CNTN1: variants seen among roughly 807,000 people sequenced by gnomAD.
CNTN1 encodes contactin 1.
Under a neutral mutation model 126.4 loss-of-function variants are expected in CNTN1, and 38 were observed. The observed-to-expected ratio is 0.30, with a 90% CI of 0.23 to 0.39. The LOEUF is 0.39. Ranked by LOEUF, CNTN1 falls within the 10% of genes least tolerant of loss-of-function variation. CNTN1 has a pLI of 1.00. For synonymous variants in CNTN1, 413 were observed against 422.6 expected (o/e 0.98, Z 0.28); for missense variants, 1,009 against 1,248.4 (o/e 0.81, Z 2.89).
At chr12:40,962,955 T>C (rs1239568580) in intron 15 of CNTN1, among the ~76,000 whole-genome samples, 2 of 152,190 alleles carry the variant, frequency 1.3e-5, no homozygotes, top group Non-Finnish European at 2.9e-5. Context: ...CTTCAAATGC[T>C]GTTGTCCAGG....
intron 1 of CNTN1, among the ~76,000 whole-genome samples, chr12:40,867,953 G>A (rs1349455773): frequency 5.3e-5 from 8 of 151,096 alleles, no homozygotes; most frequent in African/African-American, 1.9e-4. Context: ...TGCTACTGTG[G>A]TTAGAAACAC....
At chr12:40,873,405 T>G (rs1317612693) in intron 1 of CNTN1, among the ~76,000 whole-genome samples, 2 of 152,178 alleles carry the variant, frequency 1.3e-5, no homozygotes, top group Non-Finnish European at 2.9e-5. Context: ...ATCCTCCTTA[T>G]TGAACACAAC....
intron 1 of CNTN1, among the ~76,000 whole-genome samples, chr12:40,849,106 A>G (rs1942623899): frequency 6.6e-6 from 1 of 152,126 alleles, no homozygotes; most frequent in South Asian, 2.1e-4. Flanking sequence ...GAGATTTTAG[A>G]CAAATGGCTT....
At chr12:40,904,515 A>G (rs546863757) in intron 1 of CNTN1, among the ~76,000 whole-genome samples, 4 of 149,496 alleles carry the variant, frequency 2.7e-5, no homozygotes, top group East Asian at 4.0e-4. Context: ...TACAACCTCC[A>G]GCTCCTGGGT....
Position 40,910,348 on chromosome 12 carries a change from C to G in CNTN1, c.94+243C>G, listed in dbSNP as rs563414712. Among the ~76,000 whole-genome samples the G allele has an allele frequency of 7.2e-5, 11 of 152,112 alleles. No individual in the cohort carries two copies. The East Asian group carries it at 2.1e-3, about 29-fold the overall frequency. ...AATGGAAAATATTCAATTTGGCTGG[C>G]TTTTTTTCCTGCATGCTTTGTAACA... On this transcript the variant is annotated intron_variant, in intron 3 of 23. Coordinates refer to ENST00000551295, the MANE Select transcript of CNTN1 (RefSeq NM_001843.4).
chr12:40,889,172 C>A (rs1944157722), intron 1 of CNTN1, among the ~76,000 whole-genome samples: 1 of 152,150 alleles, frequency 6.6e-6, no homozygotes, highest in Admixed American at 6.6e-5. Flanking sequence ...GAGGGAGATT[C>A]TTTAATAGGT....
In CNTN1 at chr12:41,071,591, G is replaced by A. The variant is rs1480652454; in HGVS notation, c.*1556G>A. On this transcript the variant is annotated 3_prime_UTR_variant, in exon 24 of 24. Transcript: ENST00000551295. ...TATAATTTTTGTACTATATATCGAT[G>A]TGTAAATGTTTAGAGTCTTCATTAT... 1 of 152,096 alleles carries A rather than the reference G, an allele frequency of 6.6e-6. No homozygotes were observed. The highest frequency in any genetic ancestry group is 2.4e-5 in the African/African-American group (1 of 41,404). 9.4% of individuals were successfully genotyped at this position (152,096 alleles called of 1,614,324 possible). A position where few individuals can be genotyped will look rare whatever the true frequency, so the allele number is the denominator to read the frequency against.
chr12:40,765,362 A>G (rs1939038646), intron 1 of CNTN1, among the ~76,000 whole-genome samples: 1 of 152,166 alleles, frequency 6.6e-6, no homozygotes, highest in African/African-American at 2.4e-5. Flanking sequence ...GGAGTACAGT[A>G]TAAAAGTTTG....
intron 1 of CNTN1, among the ~76,000 whole-genome samples, chr12:40,733,127 A>T (rs1429267885): frequency 6.6e-6 from 1 of 152,050 alleles, no homozygotes; most frequent in African/African-American, 2.4e-5. Context: ...GAATATTTAT[A>T]AACACAGTAA....
At chr12:40,909,990 C>A in intron 2 of CNTN1, 83 bp from the exon 3 acceptor site, 2 of 997,188 alleles carry the variant, frequency 2.0e-6, no homozygotes, top group Non-Finnish European at 3.2e-6. Flanking sequence ...CATTGTCTAG[C>A]ATCTCAGCTA....
At chr12:40,837,228 G>A (rs954248744) in intron 1 of CNTN1, among the ~76,000 whole-genome samples, 12 of 152,116 alleles carry the variant, frequency 7.9e-5, no homozygotes, top group African/African-American at 2.9e-4. Flanking sequence ...CCAAAATAGT[G>A]TATAGACAGT....
At chr12:40,947,794 C>T (rs879458307) in intron 14 of CNTN1, among the ~76,000 whole-genome samples, 50,220 of 136,438 alleles carry the variant, frequency 0.37, 9,755 homozygotes, top group Admixed American at 0.43. Context: ...CACACACACA[C>T]ACACACACAC....
chr12:40,931,077 T>A (rs901153068), intron 7 of CNTN1, among the ~76,000 whole-genome samples: 1 of 151,980 alleles, frequency 6.6e-6, no homozygotes, highest in Non-Finnish European at 1.5e-5. Context: ...GTTGTTCCGG[T>A]TCACATTCCA....
intron 23 of CNTN1, among the ~76,000 whole-genome samples, chr12:41,067,299 C>A (rs10879622): frequency 2.0e-5 from 3 of 151,814 alleles, no homozygotes; most frequent in Non-Finnish European, 4.4e-5. Context: ...GGTTTTCATA[C>A]TAGTACCAAA....
chr12:40,777,506 A>G (rs1025271248), intron 1 of CNTN1, among the ~76,000 whole-genome samples: 8 of 151,786 alleles, frequency 5.3e-5, no homozygotes, highest in Non-Finnish European at 8.8e-5. Flanking sequence ...TCAGCACAGG[A>G]TGAGTACTAT....
At chr12:40,854,381 A>G (rs2136626133) in intron 1 of CNTN1, among the ~76,000 whole-genome samples, 1 of 152,176 alleles carries the variant, frequency 6.6e-6, no homozygotes, top group East Asian at 1.9e-4. Flanking sequence ...TCAAGACACA[A>G]CATGGGGGAA....
rs1945471168 is a variant in CNTN1 at position 40,922,300 on chromosome 12, A to G, written c.272A>G (p.Tyr91Cys). The G allele has an allele frequency of 1.9e-6, 3 of 1,613,936 alleles. No individual in the cohort carries two copies. The highest frequency in any genetic ancestry group is 1.3e-5 in the African/African-American group (1 of 74,920). ...NGDVDLTSDR[Y>C]SMVGGNLVIN... ...GACGTTGATCTCACAAGTGATCGAT[A>G]CAGTATGGTAGGAGGAAACCTTGTT... The change falls in exon 5 of 24, where the codon TAC becomes TGC. Residue 91 changes from tyrosine (Y) to cysteine (C), a missense_variant. Coordinates refer to ENST00000551295, the MANE Select transcript of CNTN1 (RefSeq NM_001843.4).
At chr12:41,060,972 T>G (rs1949926970) in intron 23 of CNTN1, among the ~76,000 whole-genome samples, 1 of 152,206 alleles carries the variant, frequency 6.6e-6, no homozygotes, top group African/African-American at 2.4e-5. Flanking sequence ...AACCCCATTA[T>G]GTAAGTATTA....
At chr12:40,985,158 A>G (rs948769970) in intron 16 of CNTN1, among the ~76,000 whole-genome samples, 1 of 151,882 alleles carries the variant, frequency 6.6e-6, no homozygotes, top group African/African-American at 2.4e-5. Flanking sequence ...CTTGGATATG[A>G]TATTCTTGGT....
Sources: allele counts gnomAD v4.1 joint callset (sites outside exome capture counted in the v4.1 genomes callset), GRCh38; gene constraint gnomAD v4.1.1; transcripts MANE v1.5; gene names NCBI Gene and HGNC (gene_info 2026-07-23, HGNC 2026-07-21).